Variants in ARID2 observed in about 807,000 individuals in gnomAD.
ARID2 encodes AT-rich interactive domain-containing protein 2.
Under a neutral mutation model 184.6 loss-of-function variants are expected in ARID2, and 32 were observed. The observed-to-expected ratio is 0.17, with a 90% confidence interval of 0.13 to 0.23. The LOEUF (loss-of-function observed/expected upper bound fraction) is 0.23, where lower values mean the gene tolerates loss of function less well. ARID2 is among the 10% of genes least tolerant of loss of function. ARID2 has a pLI of 1.00. For missense variants in ARID2, 1,696 were observed against 2,197.6 expected (o/e 0.77, Z 4.56); for synonymous variants, 836 against 772.6 (o/e 1.08, Z -1.36).
chr12:45,775,965 A>G (rs1941969919), intron 3 of ARID2: 1 of 161,142 alleles, frequency 6.2e-6, no homozygotes, highest in African/African-American at 2.4e-5. Flanking sequence ...TCTCTGAAAT[A>G]ATTTACTTCC....
intron 3 of ARID2, among the ~76,000 whole-genome samples, chr12:45,746,833 C>A (rs1478379963): frequency 6.6e-6 from 1 of 152,078 alleles, no homozygotes; most frequent in Non-Finnish European, 1.5e-5. Flanking sequence ...GTGGCGCGAT[C>A]GAGGCTCACT....
chr12:45,871,749 T>G (rs774408007), intron 16 of ARID2, among the ~76,000 whole-genome samples: 1 of 152,190 alleles, frequency 6.6e-6, no homozygotes, highest in Non-Finnish European at 1.5e-5. Context: ...CCTGGTACTT[T>G]CTGTTTTGAA....
chr12:45,849,446 G>T, intron 13 of ARID2, 134 bp from the exon 14 acceptor site: 1 of 556,970 alleles, frequency 1.8e-6, no homozygotes. Context: ...TTCCATCCTT[G>T]CAGAATATAA....
At chr12:45,734,299 TCGGAGGTTGCAGTGAG>T (rs1015540270) in intron 3 of ARID2, among the ~76,000 whole-genome samples, 10 of 151,934 alleles carry the variant, frequency 6.6e-5, no homozygotes, top group Non-Finnish European at 1.5e-4. Context: ...AGCCCGGGAG[TCGGAGGTTGCAGTGAG>T]CGGAGATCGT....
chr12:45,877,820 A>G (rs1395215428), intron 16 of ARID2, among the ~76,000 whole-genome samples: 2 of 152,200 alleles, frequency 1.3e-5, no homozygotes, highest in Admixed American at 6.5e-5. Flanking sequence ...TTTCTTCTCT[A>G]ACACTCTTCC....
At chr12:45,817,235 T>C (rs907645432) in intron 4 of ARID2, among the ~76,000 whole-genome samples, 3 of 152,200 alleles carry the variant, frequency 2.0e-5, no homozygotes, top group African/African-American at 7.2e-5. Flanking sequence ...CTTCCTGTAG[T>C]CCTAGCTACT....
intron 6 of ARID2, 146 bp from the exon 7 acceptor site, chr12:45,836,443 C>G: frequency 1.4e-6 from 1 of 697,512 alleles, no homozygotes; most frequent in Non-Finnish European, 2.3e-6. Flanking sequence ...CTCAAACTCC[C>G]AGCTGCAAGT....
chr12:45,777,302 T>A (rs1182737008), intron 3 of ARID2, among the ~76,000 whole-genome samples: 1 of 152,066 alleles, frequency 6.6e-6, no homozygotes, highest in Non-Finnish European at 1.5e-5. Context: ...AATTCCAGAT[T>A]TGGATGCTTA....
At chr12:45,765,683 A>C (rs1941759089) in intron 3 of ARID2, among the ~76,000 whole-genome samples, 1 of 152,192 alleles carries the variant, frequency 6.6e-6, no homozygotes, top group Non-Finnish European at 1.5e-5. Flanking sequence ...AGTAAACTGA[A>C]AATGTTCTTT....
intron 16 of ARID2, among the ~76,000 whole-genome samples, chr12:45,865,593 T>A (rs1943819149): frequency 6.6e-6 from 1 of 152,146 alleles, no homozygotes; most frequent in Non-Finnish European, 1.5e-5. Context: ...AGGCTTTCTC[T>A]GTGCCCAAAT....
intron 16 of ARID2, among the ~76,000 whole-genome samples, chr12:45,865,998 G>T (rs980116402): frequency 1.3e-5 from 2 of 151,958 alleles, no homozygotes; most frequent in African/African-American, 4.8e-5. Context: ...GATAACCATG[G>T]TTGTAAGTTT....
intron 6 of ARID2, among the ~76,000 whole-genome samples, chr12:45,832,360 C>T (rs1943137693): frequency 6.6e-6 from 1 of 152,066 alleles, no homozygotes; most frequent in African/African-American, 2.4e-5. Flanking sequence ...AGTTTCATTG[C>T]TTATTTTACT....
intron 4 of ARID2, among the ~76,000 whole-genome samples, chr12:45,814,179 C>T (rs897243226): frequency 6.6e-6 from 1 of 152,082 alleles, no homozygotes; most frequent in African/African-American, 2.4e-5. Flanking sequence ...GACATTTGGA[C>T]TACAACAATC....
chr12:45,777,892 T>C (rs1238647195), intron 3 of ARID2, among the ~76,000 whole-genome samples: 1 of 151,192 alleles, frequency 6.6e-6, no homozygotes, highest in African/African-American at 2.4e-5. Context: ...CTGGACTATT[T>C]AGTAATTTTA....
At chr12:45,771,527 G>C (rs982171007) in intron 3 of ARID2, among the ~76,000 whole-genome samples, 2 of 151,284 alleles carry the variant, frequency 1.3e-5, no homozygotes, top group African/African-American at 4.9e-5. Flanking sequence ...TTTAAAACTA[G>C]TTAGCCACAG....
intron 16 of ARID2, among the ~76,000 whole-genome samples, chr12:45,874,956 C>G (rs1943986393): frequency 6.6e-6 from 1 of 152,038 alleles, no homozygotes. Context: ...GACCTTGTTC[C>G]TACAAAAAAA....
chr12:45,731,564 A>G (rs558550583), intron 3 of ARID2, among the ~76,000 whole-genome samples: 73 of 152,344 alleles, frequency 4.8e-4, no homozygotes, highest in Admixed American at 4.1e-3. Flanking sequence ...CAATCTTGGT[A>G]AACATTCTTT....
chr12:45,845,612 A>G lies in ARID2; in HGVS notation c.1499-1244A>G, dbSNP rs138543173. 2.9e-3 allele frequency among the ~76,000 whole-genome samples: 449 copies of G among 152,322 alleles called. 1 individual carries two copies. The highest frequency in any genetic ancestry group is 5.3e-3 in the Non-Finnish European group (363 of 67,998). Reference sequence around the variant, plus strand: ...ATAATGTAAATATAAATGGATTTATACAGAGTATATGTTTATTAAATGGCT... The same window carrying G: ...ATAATGTAAATATAAATGGATTTATGCAGAGTATATGTTTATTAAATGGCT... On this transcript the variant is annotated intron_variant, in intron 11 of 20. Coordinates refer to ENST00000334344, the MANE Select transcript of ARID2 (RefSeq NM_152641.4).
rs140551263 is a variant in ARID2, at chr12:45,826,210, C to G, written c.705+4723C>G. Among the ~76,000 whole-genome samples the G allele has an allele frequency of 4.9e-4, 74 of 152,148 alleles. 3 individuals carry two copies. Among genetic ancestry groups the G allele is most frequent in the African/African-American group, 1.7e-3 (72 of 41,556 alleles). On this transcript the variant is annotated intron_variant, in intron 6 of 20. Transcript: ENST00000334344. ...TATATTAAACACTTTACGTAGTTCT[C>G]TTTATCATTTTTCTGTTTACACAGT... is the stretch of plus-strand genomic sequence containing the variant.
Sources: gnomAD v4.1 joint callset for allele counts (sites outside exome capture counted in the v4.1 genomes callset) on GRCh38, gnomAD v4.1.1 for gene constraint, MANE v1.5 for transcripts, NCBI Gene and HGNC (gene_info 2026-07-23, HGNC 2026-07-21) for gene names.